The following ROBO2 variants were observed in gnomAD, a reference collection of about 807,000 sequenced individuals.
ROBO2 encodes roundabout homolog 2.
A neutral mutation model predicts 160.8 loss-of-function variants in ROBO2; 53 were observed. The observed-to-expected ratio is 0.33, with a 90% CI of 0.26 to 0.41. The LOEUF (loss-of-function observed/expected upper bound fraction) is 0.41, where lower values mean the gene tolerates loss of function less well. Ranked by LOEUF, ROBO2 falls within the 10% of genes least tolerant of loss-of-function variation. The pLI is 1.00. For synonymous variants in ROBO2, 664 were observed against 611.7 expected, an observed-to-expected ratio of 1.09 and a Z score of -1.26; for missense variants, 1,577 against 1,722.4, an observed-to-expected ratio of 0.92 and a Z score of 1.49.
chr3:76,204,615 G>C (rs1272920310), intron 2 of ROBO2, among the ~76,000 whole-genome samples: 2 of 152,190 alleles, frequency 1.3e-5, no homozygotes, highest in South Asian at 2.1e-4. Context: ...TATTTTGAGA[G>C]AATGTGTTTG....
chr3:76,665,318 C>T (rs2091977346), intron 2 of ROBO2, among the ~76,000 whole-genome samples: 1 of 151,992 alleles, frequency 6.6e-6, no homozygotes, highest in South Asian at 2.1e-4. Context: ...ATTATCATTC[C>T]ATTTGAATAA....
At chr3:76,873,507 C>T (rs2148694403) in intron 2 of ROBO2, among the ~76,000 whole-genome samples, 1 of 152,246 alleles carries the variant, frequency 6.6e-6, no homozygotes, top group Non-Finnish European at 1.5e-5. Flanking sequence ...TTCTCACATA[C>T]ATTGATGGGT....
chr3:76,984,448 G>A lies in ROBO2; in HGVS notation c.110-113566G>A, dbSNP rs191813195. ...GTACAAAAGGAAGAAAATTAGACCC[G>A]TGACCTTCACTGAGCCTATTGTTCT... On this transcript the variant is annotated intron_variant, in intron 2 of 26. Transcript: ENST00000487694. 1.3e-5 allele frequency among the ~76,000 whole-genome samples: 2 copies of A among 152,298 alleles called. 1 individual carries two copies. Among genetic ancestry groups the A allele is most frequent in the East Asian group, 3.9e-4 (2 of 5,172 alleles).
intron 1 of ROBO2, among the ~76,000 whole-genome samples, chr3:75,911,993 C>T (rs539791140): frequency 4.9e-4 from 74 of 152,196 alleles, no homozygotes; most frequent in Non-Finnish European, 7.9e-4. Flanking sequence ...TTTTTCTTGT[C>T]CTCCCATATA....
chr3:76,941,659 A>C (rs2078197173), intron 2 of ROBO2, among the ~76,000 whole-genome samples: 1 of 152,184 alleles, frequency 6.6e-6, no homozygotes, highest in Non-Finnish European at 1.5e-5. Flanking sequence ...TGTGTAGTAG[A>C]TACAATAATG....
intron 2 of ROBO2, among the ~76,000 whole-genome samples, chr3:76,740,537 A>G (rs989890373): frequency 1.3e-5 from 2 of 152,244 alleles, no homozygotes; most frequent in Admixed American, 6.5e-5. Context: ...ATTCATCTTT[A>G]GTAGGTTTAT....
chr3:77,314,506 C>T (rs893010373), intron 2 of ROBO2, among the ~76,000 whole-genome samples: 5 of 152,132 alleles, frequency 3.3e-5, no homozygotes, highest in Non-Finnish European at 5.9e-5. Context: ...ATAATTATAA[C>T]ATTGATTCAA....
At chr3:77,315,157 T>A (rs1363308814) in intron 2 of ROBO2, among the ~76,000 whole-genome samples, 4 of 152,108 alleles carry the variant, frequency 2.6e-5, no homozygotes, top group Non-Finnish European at 5.9e-5. Context: ...ATAAACCTTT[T>A]GCAAATTAAT....
At chr3:75,992,459 T>C (rs1423649140) in intron 2 of ROBO2, among the ~76,000 whole-genome samples, 1 of 152,020 alleles carries the variant, frequency 6.6e-6, no homozygotes, top group Non-Finnish European at 1.5e-5. Context: ...AAGTCAAGAG[T>C]TGAGGTGGGG....
intron 2 of ROBO2, among the ~76,000 whole-genome samples, chr3:76,206,973 C>T (rs183466086): frequency 4.6e-5 from 7 of 152,162 alleles, no homozygotes; most frequent in Admixed American, 1.3e-4. Context: ...TTTTTTCATT[C>T]CCATGAGTTT....
At chr3:76,466,608 G>A (rs2078374435) in intron 2 of ROBO2, among the ~76,000 whole-genome samples, 2 of 151,760 alleles carry the variant, frequency 1.3e-5, no homozygotes, top group Non-Finnish European at 2.9e-5. Context: ...TATTCCTTAC[G>A]ATTTTTTCAT....
intron 2 of ROBO2, among the ~76,000 whole-genome samples, chr3:76,453,250 C>T (rs2077568760): frequency 6.6e-6 from 1 of 152,146 alleles, no homozygotes; most frequent in Non-Finnish European, 1.5e-5. Context: ...AGTCCTTGTC[C>T]ATGCCTATGT....
chr3:76,199,797 C>T (rs1342365954), intron 2 of ROBO2, among the ~76,000 whole-genome samples: 1 of 152,174 alleles, frequency 6.6e-6, no homozygotes, highest in Non-Finnish European at 1.5e-5. Context: ...AAATGCCCCA[C>T]TTCGACTTTG....
chr3:77,024,069 A>G (rs1448835811), intron 2 of ROBO2, among the ~76,000 whole-genome samples: 1 of 152,188 alleles, frequency 6.6e-6, no homozygotes, highest in Non-Finnish European at 1.5e-5. Flanking sequence ...TATGTGACAA[A>G]CACATGTGAA....
intron 2 of ROBO2, among the ~76,000 whole-genome samples, chr3:76,515,533 T>A (rs1379870884): frequency 6.6e-6 from 1 of 151,874 alleles, no homozygotes; most frequent in Admixed American, 6.6e-5. Context: ...AGGACTCAGG[T>A]ATGTTGAATT....
At chr3:75,953,681 C>T (rs1948629323) in intron 2 of ROBO2, among the ~76,000 whole-genome samples, 1 of 151,832 alleles carries the variant, frequency 6.6e-6, no homozygotes, top group Non-Finnish European at 1.5e-5. Flanking sequence ...CCCTTTCAAA[C>T]AGTCATAAAG....
chr3:76,643,194 TA>T (rs1007414359), intron 2 of ROBO2, among the ~76,000 whole-genome samples: 6 of 152,210 alleles, frequency 3.9e-5, no homozygotes, highest in African/African-American at 1.4e-4. Context: ...AATAACTTAG[TA>T]AAAAAATGTA....
At chr3:76,729,818 A>G (rs890415297) in intron 2 of ROBO2, among the ~76,000 whole-genome samples, 7 of 151,894 alleles carry the variant, frequency 4.6e-5, no homozygotes, top group African/African-American at 1.7e-4. Flanking sequence ...TTGTTTTTTT[A>G]GTAGAGACGA....
At chr3:77,381,559 T>C (rs537345490) in intron 2 of ROBO2, among the ~76,000 whole-genome samples, 1 of 152,344 alleles carries the variant, frequency 6.6e-6, no homozygotes, top group South Asian at 2.1e-4. Flanking sequence ...AATGATTTCA[T>C]ACTCTGACTA....
Sources: allele counts gnomAD v4.1 joint callset (sites outside exome capture counted in the v4.1 genomes callset), GRCh38; gene constraint gnomAD v4.1.1; transcripts MANE v1.5; gene names NCBI Gene and HGNC (gene_info 2026-07-23, HGNC 2026-07-21).